SLC25A12: variants seen among roughly 807,000 people sequenced by gnomAD.
SLC25A12 encodes solute carrier family 25 member 12.
SLC25A12 carries 32 observed loss-of-function variants against 83.3 expected under a neutral mutation model. That is an observed-to-expected ratio of 0.38 (90% CI 0.29 to 0.52). The LOEUF (loss-of-function observed/expected upper bound fraction) is 0.52. SLC25A12 is among the 20% of genes least tolerant of loss of function. SLC25A12 has a pLI of 0.84. For missense variants in SLC25A12, 611 were observed against 835.6 expected, an observed-to-expected ratio of 0.73 and a Z score of 3.31; for synonymous variants, 267 against 291.1, an observed-to-expected ratio of 0.92 and a Z score of 0.84.
rs780842828 is a variant in SLC25A12 at position 171,855,913 on chromosome 2, A to G, written c.246T>C (p.Ser82=). 6.2e-7 allele frequency: 1 copy of G among 1,613,228 alleles called. No homozygotes were observed. Among genetic ancestry groups the G allele is most frequent in the Non-Finnish European group, 8.5e-7 (1 of 1,179,266 alleles). Residue 82 remains serine, a synonymous_variant, in exon 4 of 18, where the codon TCT becomes TCC. Coordinates refer to ENST00000422440, the MANE Select transcript of SLC25A12 (RefSeq NM_003705.5). ...ISYQEFLAFE[S]VLCAPDSMFI... ...ACATGGAATCTGGAGCACATAAAACAGATTCAAATGCCAAAAACTCTTGAT... is the reference window on the plus strand; with the variant it reads ...ACATGGAATCTGGAGCACATAAAACGGATTCAAATGCCAAAAACTCTTGAT...
intron 2 of SLC25A12, among the ~76,000 whole-genome samples, chr2:171,871,983 TAA>T (rs34139128): frequency 6.8e-6 from 1 of 147,056 alleles, no homozygotes; most frequent in Non-Finnish European, 1.5e-5. Context: ...AGAACAAAAA[TAA>T]AAAGACGTAG....
At chr2:171,884,435 C>T (rs934355655) in intron 2 of SLC25A12, among the ~76,000 whole-genome samples, 4 of 149,756 alleles carry the variant, frequency 2.7e-5, no homozygotes, top group African/African-American at 9.8e-5. Flanking sequence ...GTGGTCTGCT[C>T]TGTGGGCTTT....
At chr2:171,871,872 T>G (rs1448222222) in intron 2 of SLC25A12, 2 of 214,726 alleles carry the variant, frequency 9.3e-6, no homozygotes, top group Non-Finnish European at 1.5e-5. Context: ...TGAGCCAAGA[T>G]TGCACCACTG....
intron 2 of SLC25A12, among the ~76,000 whole-genome samples, chr2:171,891,016 C>T (rs1685922619): frequency 6.6e-6 from 1 of 152,094 alleles, no homozygotes; most frequent in Non-Finnish European, 1.5e-5. Flanking sequence ...TAAAAGTTGT[C>T]AAAGAATCGG....
intron 2 of SLC25A12, among the ~76,000 whole-genome samples, chr2:171,882,189 G>A (rs1336474099): frequency 6.6e-6 from 1 of 152,072 alleles, no homozygotes; most frequent in Non-Finnish European, 1.5e-5. Context: ...TGGTTTTAAT[G>A]TGCCTAGCTT....
chr2:171,788,320 A>G (rs1261454557), intron 15 of SLC25A12: 5 of 229,720 alleles, frequency 2.2e-5, no homozygotes, highest in Non-Finnish European at 4.4e-5. Context: ...TTATGTATAA[A>G]AAAATGATAA....
At chr2:171,791,969 C>T (rs1574674200) in intron 14 of SLC25A12, among the ~76,000 whole-genome samples, 1 of 152,114 alleles carries the variant, frequency 6.6e-6, no homozygotes, top group African/African-American at 2.4e-5. Flanking sequence ...TAAGTTTTTA[C>T]ATCAGCTGAG....
At chr2:171,886,557 T>C (rs1685824599) in intron 2 of SLC25A12, among the ~76,000 whole-genome samples, 1 of 151,730 alleles carries the variant, frequency 6.6e-6, no homozygotes, top group Non-Finnish European at 1.5e-5. Flanking sequence ...TCGCCCAGGC[T>C]GGAGTGCAGT....
intron 9 of SLC25A12, among the ~76,000 whole-genome samples, chr2:171,819,121 T>TATATAATACATATTATATATAAATATAAA (rs1558918243): frequency 1.4e-5 from 2 of 140,416 alleles, no homozygotes; most frequent in East Asian, 4.0e-4. Context: ...ATATATATAA[T>TATATAATACATATTATATATAAATATAAA]ATATAATACA....
At chr2:171,863,267 T>G (rs1026799849) in intron 3 of SLC25A12, among the ~76,000 whole-genome samples, 1 of 152,154 alleles carries the variant, frequency 6.6e-6, no homozygotes, top group Non-Finnish European at 1.5e-5. Flanking sequence ...GGCTTATGCC[T>G]GCAATCCCAG....
intron 2 of SLC25A12, among the ~76,000 whole-genome samples, chr2:171,878,844 C>T (rs1272819974): frequency 6.6e-6 from 1 of 152,116 alleles, no homozygotes; most frequent in Admixed American, 6.6e-5. Flanking sequence ...GTATATGAAG[C>T]TAGTTCTCTT....
intron 5 of SLC25A12, among the ~76,000 whole-genome samples, chr2:171,842,556 T>C (rs1402543996): frequency 6.6e-6 from 1 of 152,020 alleles, no homozygotes; most frequent in Non-Finnish European, 1.5e-5. Context: ...ATCACGCCAT[T>C]GCACACCAGC....
chr2:171,866,795 C>T (rs1376268685), intron 3 of SLC25A12, among the ~76,000 whole-genome samples: 11 of 143,046 alleles, frequency 7.7e-5, no homozygotes, highest in South Asian at 2.3e-4. Flanking sequence ...CCGGACGGGG[C>T]GGCTGGCCTG....
At chr2:171,800,030 AG>A (rs1237974774) in intron 13 of SLC25A12, among the ~76,000 whole-genome samples, 6 of 152,234 alleles carry the variant, frequency 3.9e-5, no homozygotes, top group Admixed American at 6.5e-5. Flanking sequence ...AAGTACCTAA[AG>A]GTTAGTCCAT....
chr2:171,793,053 A>C (rs1370424736), intron 14 of SLC25A12, among the ~76,000 whole-genome samples: 1 of 152,040 alleles, frequency 6.6e-6, no homozygotes, highest in African/African-American at 2.4e-5. Flanking sequence ...GATGGGAGTA[A>C]GTATACCCGC....
chr2:171,857,349 C>T (rs937478237), intron 3 of SLC25A12, among the ~76,000 whole-genome samples: 5 of 149,114 alleles, frequency 3.4e-5, no homozygotes, highest in East Asian at 2.0e-4. Context: ...CCAGCCTGGG[C>T]GACAGACCAG....
chr2:171,799,294 A>C (rs1197511697), intron 13 of SLC25A12, among the ~76,000 whole-genome samples: 2 of 152,218 alleles, frequency 1.3e-5, no homozygotes, highest in African/African-American at 4.8e-5. Flanking sequence ...ATCATAAGCC[A>C]CTTTTGACAT....
intron 2 of SLC25A12, among the ~76,000 whole-genome samples, chr2:171,886,230 C>CTTTTT (rs11428637): frequency 2.4e-5 from 3 of 122,558 alleles, no homozygotes; most frequent in Non-Finnish European, 3.3e-5. Flanking sequence ...AATATAATAG[C>CTTTTT]TTTTTTTTTT....
chr2:171,883,340 A>G (rs138340751), intron 2 of SLC25A12, among the ~76,000 whole-genome samples: 151 of 152,332 alleles, frequency 9.9e-4, no homozygotes, highest in Middle Eastern at 3.4e-3. Flanking sequence ...ATGAGAAAAC[A>G]GGCTCCAAAA....
Sources: gnomAD v4.1 joint callset for allele counts (sites outside exome capture counted in the v4.1 genomes callset) on GRCh38, gnomAD v4.1.1 for gene constraint, MANE v1.5 for transcripts, NCBI Gene and HGNC (gene_info 2026-07-23, HGNC 2026-07-21) for gene names.